Variants in PTPRN2 observed in about 807,000 individuals in gnomAD.
PTPRN2 encodes the protein protein tyrosine phosphatase receptor type N2, also known as receptor-type tyrosine-protein phosphatase N2.
Under a neutral mutation model 118.8 loss-of-function variants are expected in PTPRN2, and 74 were observed. That is an observed-to-expected ratio of 0.62 (90% CI 0.52 to 0.76). The LOEUF is 0.76. PTPRN2 is among the 30% of genes least tolerant of loss of function. The probability of loss-of-function intolerance (pLI) is 0.00; values close to 1 mark genes in which losing one functional copy is unlikely to be tolerated. For synonymous variants in PTPRN2, 641 were observed against 608.0 expected (o/e 1.05, Z -0.80); for missense variants, 1,481 against 1,394.4 (o/e 1.06, Z -0.99).
chr7:158,063,050 T>C (rs1384680595), intron 11 of PTPRN2, among the ~76,000 whole-genome samples: 1 of 152,258 alleles, frequency 6.6e-6, no homozygotes, highest in Non-Finnish European at 1.5e-5. Flanking sequence ...TAGTGAGGAC[T>C]TGGAGAACAT....
At chr7:158,455,096 T>C (rs1818369347) in intron 2 of PTPRN2, among the ~76,000 whole-genome samples, 1 of 152,182 alleles carries the variant, frequency 6.6e-6, no homozygotes, top group African/African-American at 2.4e-5. Flanking sequence ...AAAAACAAAA[T>C]GAACAGAAAC....
At chr7:158,472,385 G>C (rs895912166) in intron 2 of PTPRN2, among the ~76,000 whole-genome samples, 5 of 152,150 alleles carry the variant, frequency 3.3e-5, no homozygotes, top group Non-Finnish European at 5.9e-5. Context: ...TGTTAAATGA[G>C]AACAAAAATA....
At chr7:157,734,965 C>T (rs931500776) in intron 12 of PTPRN2, among the ~76,000 whole-genome samples, 25 of 152,244 alleles carry the variant, frequency 1.6e-4, no homozygotes, top group African/African-American at 4.6e-4. Context: ...AAATAGCAGC[C>T]GCTAACTGCC....
intron 12 of PTPRN2, among the ~76,000 whole-genome samples, chr7:157,875,185 T>C (rs1461919998): frequency 6.6e-6 from 1 of 152,216 alleles, no homozygotes; most frequent in Non-Finnish European, 1.5e-5. Flanking sequence ...CTTCACTATT[T>C]TCGAAATGCT....
intron 12 of PTPRN2, among the ~76,000 whole-genome samples, chr7:157,875,179 A>C (rs955693950): frequency 6.6e-6 from 1 of 152,180 alleles, no homozygotes; most frequent in African/African-American, 2.4e-5. Flanking sequence ...CCTTGACTTC[A>C]CTATTTTCGA....
intron 2 of PTPRN2, among the ~76,000 whole-genome samples, chr7:158,337,299 G>C (rs1412729111): frequency 2.3e-3 from 337 of 147,194 alleles, no homozygotes; most frequent in African/African-American, 8.4e-3. Flanking sequence ...CATAAGAGCT[G>C]TCACGCACAG....
intron 12 of PTPRN2, among the ~76,000 whole-genome samples, chr7:157,776,850 TC>T (rs1803345982): frequency 3.2e-5 from 2 of 63,264 alleles, no homozygotes; most frequent in African/African-American, 8.4e-5. Context: ...CTCCTCCCTC[TC>T]CTCCTCCTCC....
At chr7:157,863,041 C>T (rs73515163) in intron 12 of PTPRN2, 6,665 of 152,306 alleles carry the variant, frequency 0.044, 368 homozygotes, top group African/African-American at 0.13. Flanking sequence ...CAAGAAAGGA[C>T]GGCAGCCAAG....
chr7:157,858,961 T>C (rs1486740649), intron 12 of PTPRN2, among the ~76,000 whole-genome samples: 2 of 292 alleles, frequency 6.8e-3, no homozygotes, highest in Admixed American at 0.045. Context: ...AGGGAGAGCC[T>C]CCCAGCCACC....
At chr7:158,066,626 C>T (rs1015951786) in intron 11 of PTPRN2, among the ~76,000 whole-genome samples, 10 of 152,164 alleles carry the variant, frequency 6.6e-5, no homozygotes, top group Non-Finnish European at 1.5e-4. Flanking sequence ...AGAACGTTAA[C>T]GCTAAGATCG....
Position 158,227,102 on chromosome 7 carries a change from C to T in PTPRN2, c.278-21829G>A, listed in dbSNP as rs116570369. On this transcript the variant is annotated intron_variant, in intron 3 of 22. Transcript: ENST00000389418. ...GCTACTCATCAGAGAGTGCACTGTG[C>T]GTGGATAAATGGGAGGAGGGAGGTC... Among the ~76,000 whole-genome samples, 726 of 151,816 alleles carry T rather than the reference C, an allele frequency of 4.8e-3. 8 individuals carry two copies. Among genetic ancestry groups the T allele is most frequent in the African/African-American group, 0.017 (689 of 41,380 alleles).
chr7:157,569,035 T>A (rs1252219115), intron 20 of PTPRN2, 69 bp from the exon 21 acceptor site: 1 of 1,424,634 alleles, frequency 7.0e-7, no homozygotes, highest in Non-Finnish European at 9.9e-7. Flanking sequence ...ACAAAGCTAG[T>A]GACAGTTCAT....
At chr7:158,333,383 A>C (rs780561470) in intron 2 of PTPRN2, among the ~76,000 whole-genome samples, 1 of 136,416 alleles carries the variant, frequency 7.3e-6, no homozygotes, top group African/African-American at 2.9e-5. Flanking sequence ...CTCGCACCAT[A>C]AGAGGTGACA....
At chr7:158,463,725 C>T (rs893847748) in intron 2 of PTPRN2, among the ~76,000 whole-genome samples, 2 of 152,134 alleles carry the variant, frequency 1.3e-5, no homozygotes, top group South Asian at 2.1e-4. Flanking sequence ...GCCATCATTG[C>T]CATGCCATTT....
At chr7:157,927,701 GGT>G (rs1182209492) in intron 11 of PTPRN2, among the ~76,000 whole-genome samples, 2 of 151,964 alleles carry the variant, frequency 1.3e-5, no homozygotes, top group Non-Finnish European at 2.9e-5. Flanking sequence ...GGGCATGTGT[GGT>G]GTGTGGGAAG....
At chr7:158,005,092 G>C (rs1228785535) in intron 11 of PTPRN2, among the ~76,000 whole-genome samples, 1 of 125,150 alleles carries the variant, frequency 8.0e-6, no homozygotes, top group Non-Finnish European at 1.7e-5. Context: ...TTTTTTTTTC[G>C]AGACGGAGTC....
chr7:158,382,233 C>T (rs563818925), intron 2 of PTPRN2, among the ~76,000 whole-genome samples: 4 of 152,156 alleles, frequency 2.6e-5, no homozygotes, highest in African/African-American at 7.2e-5. Context: ...TGAACAGCCC[C>T]GGGGGTCAGG....
At chr7:157,571,202 T>TTAAAAA (rs1554494502) in intron 20 of PTPRN2, among the ~76,000 whole-genome samples, 3 of 129,518 alleles carry the variant, frequency 2.3e-5, no homozygotes, top group Admixed American at 8.0e-5. Context: ...GCAACAGAGT[T>TTAAAAA]AAAAAAAAAA....
intron 1 of PTPRN2, among the ~76,000 whole-genome samples, chr7:158,515,411 T>C (rs1210474143): frequency 6.6e-6 from 1 of 152,002 alleles, no homozygotes; most frequent in Non-Finnish European, 1.5e-5. Flanking sequence ...AGTCTCAAAC[T>C]CCCAACCTCA....
Sources: gnomAD v4.1 joint callset for allele counts (sites outside exome capture counted in the v4.1 genomes callset) on GRCh38, gnomAD v4.1.1 for gene constraint, MANE v1.5 for transcripts, NCBI Gene and HGNC (gene_info 2026-07-23, HGNC 2026-07-21) for gene names.